Variants in PLD1 observed in about 807,000 individuals in gnomAD.
The protein encoded by PLD1 is choline phosphatase 1.
Under a neutral mutation model 137.1 loss-of-function variants are expected in PLD1, and 112 were observed. The observed-to-expected ratio is 0.82, with a 90% CI of 0.70 to 0.96. The LOEUF (loss-of-function observed/expected upper bound fraction) is 0.96, where lower values mean the gene tolerates loss of function less well. PLD1 is among the 40% of genes least tolerant of loss of function. PLD1 has a pLI of 0.00. For synonymous variants in PLD1, 431 were observed against 454.7 expected (o/e 0.95, Z 0.66); for missense variants, 1,321 against 1,342.0 (o/e 0.98, Z 0.24).
intron 23 of PLD1, among the ~76,000 whole-genome samples, chr3:171,639,408 A>G (rs1338790229): frequency 7.9e-5 from 10 of 126,344 alleles, no homozygotes; most frequent in Non-Finnish European, 1.2e-4. Flanking sequence ...ATATATTTAT[A>G]TATAATTTTT....
chr3:171,734,946 G>T lies in PLD1; in HGVS notation c.459C>A (p.Val153=). The T allele has an allele frequency of 6.2e-7, 1 of 1,612,202 alleles. No individual in the cohort carries two copies. Among genetic ancestry groups the T allele is most frequent in the Non-Finnish European group, 8.5e-7 (1 of 1,178,382 alleles). The change falls in exon 5 of 27, where the codon GTC becomes GTA. Residue 153 remains valine (V), a synonymous_variant. Transcript: ENST00000351298. The stretch of plus-strand genomic sequence containing the variant: ...TGGGCATCTCTCGAGGCTCCTCTCT[G>T]ACGTTTTGCCTCCTAAACGTGTGTC... ...TRRHTFRRQN[V]REEPREMPSL...
rs1724068686 is a variant in PLD1 at position 171,810,461 on chromosome 3, C to A, written c.-94G>T. On this transcript the variant is annotated 5_prime_UTR_variant, in exon 1 of 27. In the 5' UTR this introduces an upstream ATG that the reference lacks. Transcript: ENST00000351298. ...CGGCGGACTCTCAGGGCTCGGGTGC[C>A]TCTGGCACAGCTGGAGCTCAGCGGG... 1 of 152,100 alleles carries A rather than the reference C, an allele frequency of 6.6e-6. No individual in the cohort carries two copies. The highest frequency in any genetic ancestry group is 1.5e-5 in the Non-Finnish European group (1 of 68,064). 9.4% of individuals were successfully genotyped at this position (152,100 alleles called of 1,614,324 possible).
chr3:171,801,588 G>A (rs1177480134), intron 1 of PLD1, among the ~76,000 whole-genome samples: 3 of 151,982 alleles, frequency 2.0e-5, no homozygotes, highest in Admixed American at 6.6e-5. Context: ...ACCACCACAC[G>A]CAGCTAATTT....
At chr3:171,713,815 T>C in intron 9 of PLD1, 78 bp downstream of exon 9, 1 of 1,297,702 alleles carries the variant, frequency 7.7e-7, no homozygotes, top group South Asian at 1.3e-5. Context: ...TTTAAACTCC[T>C]TTTTTACTTA....
At position 171,682,086 on chromosome 3, in the gene PLD1, C is replaced by T. The variant is rs530684850; in HGVS notation, c.1868-4392G>A. On this transcript the variant is annotated intron_variant, in intron 16 of 26. Transcript: ENST00000351298. ...CATGTTCTGCACGTGTATCCCAGAA[C>T]TTAAAGTATAATACAGAAAGAAAAA... 7.8e-5 allele frequency among the ~76,000 whole-genome samples: 8 copies of T among 102,312 alleles called. No homozygotes were observed. The South Asian group carries it at 1.6e-3, about 21-fold the overall frequency. The allele number at this position is 102,312 out of a possible 152,430, so 67.1% of individuals were successfully genotyped here.
intron 20 of PLD1, 25 bp from the exon 21 acceptor site, chr3:171,659,326 A>G: frequency 7.0e-7 from 1 of 1,427,704 alleles, no homozygotes; most frequent in Non-Finnish European, 9.9e-7. Context: ...CAAGACAATC[A>G]TGTTAGTCTT....
intron 20 of PLD1, among the ~76,000 whole-genome samples, chr3:171,659,902 TG>T (rs1367343214): frequency 1.3e-5 from 2 of 152,180 alleles, no homozygotes; most frequent in African/African-American, 4.8e-5. Flanking sequence ...AAATAAAAAA[TG>T]TTTTTTTCCT....
In PLD1 at chr3:171,668,402, C is replaced by T. The variant is rs373645088; in HGVS notation, c.2229+6098G>A. 7.2e-5 allele frequency among the ~76,000 whole-genome samples: 11 copies of T among 152,332 alleles called. No individual in the cohort carries two copies. In the South Asian group the frequency reaches 8.3e-4, roughly 11 times the overall value. On this transcript the variant is annotated intron_variant, in intron 19 of 26. Coordinates refer to ENST00000351298, the MANE Select transcript of PLD1 (RefSeq NM_002662.5). Reference sequence around the variant, plus strand: ...TATTCTCTCACACCATTCTGGGATACAAAACATTTTGCTGTCCTTTCAGAT... The same window carrying T: ...TATTCTCTCACACCATTCTGGGATATAAAACATTTTGCTGTCCTTTCAGAT...
At chr3:171,806,571 G>A (rs967988754) in intron 1 of PLD1, among the ~76,000 whole-genome samples, 9 of 152,240 alleles carry the variant, frequency 5.9e-5, no homozygotes, top group Admixed American at 5.2e-4. Flanking sequence ...AGACCTTGCA[G>A]AGCTACAGCT....
At chr3:171,794,786 T>C (rs1341430992) in intron 1 of PLD1, among the ~76,000 whole-genome samples, 3 of 152,148 alleles carry the variant, frequency 2.0e-5, no homozygotes, top group Non-Finnish European at 4.4e-5. Context: ...TATACAATAA[T>C]ATAAAAAGAA....
rs1719231869 is a variant in PLD1 at position 171,734,874 on chromosome 3, A to G, written c.531T>C (p.Leu177=). 1 of 1,598,270 alleles carries G rather than the reference A, an allele frequency of 6.3e-7. No homozygotes were observed. The highest frequency in any genetic ancestry group is 1.3e-5 in the African/African-American group (1 of 74,616). Residue 177 remains leucine, a synonymous_variant, in exon 5 of 27, where the codon CTT becomes CTC. Coordinates refer to ENST00000351298, the MANE Select transcript of PLD1 (RefSeq NM_002662.5). ...SENMIREEQF[L]GRRKQLEDYL... ...TAGTGAAGAAACTTACTCTTCTACC[A>G]AGGAATTGTTCTTCTCTTATCATGT...
rs562924766 is a variant in PLD1, at chr3:171,623,555, C to T, written c.2594-3035G>A. Among the ~76,000 whole-genome samples the T allele has an allele frequency of 1.4e-3, 220 of 151,734 alleles. 2 individuals are homozygous for T. Among genetic ancestry groups the T allele is most frequent in the Non-Finnish European group, 1.2e-3 (80 of 67,912 alleles). On this transcript the variant is annotated intron_variant, in intron 23 of 26. Coordinates refer to ENST00000351298, the MANE Select transcript of PLD1 (RefSeq NM_002662.5). ...GCCAGGATGGTCTCGACCTCCTGAC[C>T]TCGTGATCCGCCCACCTCGGCCTCC...
chr3:171,685,032 A>G (rs564962389), intron 16 of PLD1, among the ~76,000 whole-genome samples: 60 of 152,358 alleles, frequency 3.9e-4, no homozygotes, highest in African/African-American at 1.3e-3. Context: ...AGCTTGTCCA[A>G]CCCACAGCCT....
intron 1 of PLD1, among the ~76,000 whole-genome samples, chr3:171,752,475 T>C (rs146912266): frequency 1.0e-3 from 155 of 152,346 alleles, no homozygotes; most frequent in African/African-American, 3.5e-3. Flanking sequence ...GTAAGCTCTT[T>C]GAGAACTCAG....
intron 1 of PLD1, among the ~76,000 whole-genome samples, chr3:171,776,238 T>A (rs1379160977): frequency 1.3e-5 from 2 of 152,132 alleles, no homozygotes; most frequent in African/African-American, 4.8e-5. Context: ...CACCCCACTC[T>A]ATGGAGCTGT....
At position 171,603,079 on chromosome 3, in the gene PLD1, T is replaced by G. The variant is rs1467944467; in HGVS notation, c.3224A>C (p.Ter1075SerextTer31). Residue 1075 changes from the stop codon to serine, a stop_lost, in exon 27 of 27, where the codon TAA becomes TCA. Coordinates refer to ENST00000351298, the MANE Select transcript of PLD1 (RefSeq NM_002662.5). ...CTTTGAGCTGCCAATGAATATCTCTTAAGTCCAAACCTCCATGGGCACTAT... is the reference window on the plus strand; with the variant it reads ...CTTTGAGCTGCCAATGAATATCTCTGAAGTCCAAACCTCCATGGGCACTAT... ...EAIVPMEVWT* is the reference protein window; with the variant it reads ...EAIVPMEVWTS 5 of 1,608,658 alleles carry G rather than the reference T, an allele frequency of 3.1e-6. No individual in the cohort carries two copies. The highest frequency in any genetic ancestry group is 4.5e-5 in the East Asian group (2 of 44,870).
rs1470146591 is a variant in PLD1, at chr3:171,791,551, G to GC, written c.-32+18847dup. On this transcript the variant is annotated intron_variant, in intron 1 of 26. Coordinates refer to ENST00000351298, the MANE Select transcript of PLD1 (RefSeq NM_002662.5). ...ACATGTGTAGGGAAAAAAATATCAG[G>GC]CCTGTGACCAAGGGGAAAATGAAGT... 4.6e-5 allele frequency among the ~76,000 whole-genome samples: 7 copies of GC among 151,912 alleles called. No individual in the cohort carries two copies. The East Asian group carries it at 1.3e-3, about 29-fold the overall frequency.
chr3:171,693,936 T>C (rs1027897907), intron 12 of PLD1, among the ~76,000 whole-genome samples: 4 of 152,200 alleles, frequency 2.6e-5, no homozygotes, highest in Non-Finnish European at 5.9e-5. Flanking sequence ...TGCTATACGA[T>C]CTAACATAAC....
Position 171,704,511 on chromosome 3 carries a change from G to A in PLD1, c.1145+4244C>T, listed in dbSNP as rs531130377. Among the ~76,000 whole-genome samples the A allele has an allele frequency of 1.7e-4, 25 of 147,810 alleles. No individual in the cohort carries two copies. The South Asian group carries it at 5.3e-3, about 32-fold the overall frequency. ...TGTACAGAAAAGGGAATCAGCAGAT[G>A]TCAATACCAAGACGACATGGATATT... On this transcript the variant is annotated intron_variant, in intron 11 of 26. Coordinates refer to ENST00000351298, the MANE Select transcript of PLD1 (RefSeq NM_002662.5).
Sources: allele counts gnomAD v4.1 joint callset (sites outside exome capture counted in the v4.1 genomes callset), GRCh38; gene constraint gnomAD v4.1.1; transcripts MANE v1.5; gene names NCBI Gene and HGNC (gene_info 2026-07-23, HGNC 2026-07-21).